IL1RAPL1: variants seen among roughly 807,000 people sequenced by gnomAD.
IL1RAPL1 encodes the protein interleukin 1 receptor accessory protein like 1, also known as interleukin-1 receptor accessory protein-like 1.
A neutral mutation model predicts 48.4 loss-of-function variants in IL1RAPL1; 3 were observed. The observed-to-expected ratio is 0.06, with a 90% CI of 0.03 to 0.16. IL1RAPL1 has a LOEUF of 0.16. Ranked by LOEUF, IL1RAPL1 falls within the 10% of genes least tolerant of loss-of-function variation. The pLI, the probability that IL1RAPL1 is intolerant of heterozygous loss-of-function variation, is 1.00. For missense variants in IL1RAPL1, 349 were observed against 530.6 expected (o/e 0.66, Z 3.36); for synonymous variants, 185 against 187.7 (o/e 0.99, Z 0.12).
At chrX:28,603,016 T>G (rs1305685605) in intron 1 of IL1RAPL1, among the ~76,000 whole-genome samples, 1 of 111,785 alleles carries the variant, frequency 8.9e-6, no homozygotes, top group East Asian at 2.8e-4. Flanking sequence ...GCAATTTGTA[T>G]ACACACAAAT....
chrX:29,746,240 T>C (rs944232870), intron 6 of IL1RAPL1, among the ~76,000 whole-genome samples: 5 of 112,148 alleles, frequency 4.5e-5, no homozygotes, highest in African/African-American at 9.7e-5. Flanking sequence ...TAAGAAATTA[T>C]GATAATAAAT....
intron 2 of IL1RAPL1, among the ~76,000 whole-genome samples, chrX:29,080,952 C>CT (rs1447334272): frequency 1.4e-3 from 49 of 35,389 alleles, no homozygotes; most frequent in Admixed American, 4.8e-3. Flanking sequence ...TTCTTTCTTT[C>CT]TTTCTTTCTT....
intron 6 of IL1RAPL1, among the ~76,000 whole-genome samples, chrX:29,840,184 C>T (rs1931108316): frequency 9.0e-6 from 1 of 111,349 alleles, no homozygotes; most frequent in Non-Finnish European, 1.9e-5. Context: ...CAGAAAAGCC[C>T]GTAAATTGAA....
chrX:29,033,262 A>T (rs1440879454), intron 2 of IL1RAPL1, among the ~76,000 whole-genome samples: 2 of 111,633 alleles, frequency 1.8e-5, no homozygotes, highest in African/African-American at 6.5e-5. Flanking sequence ...TACACAGATA[A>T]CCAAATACAA....
intron 8 of IL1RAPL1, among the ~76,000 whole-genome samples, chrX:29,925,410 C>CTTTTT (rs1569204989): frequency 3.8e-3 from 23 of 6,063 alleles, no homozygotes; most frequent in African/African-American, 4.7e-3. Context: ...TGTCCCGTAA[C>CTTTTT]TGTTTTTTTT....
At position 29,016,289 on chromosome X, in the gene IL1RAPL1, G is replaced by A. The variant is rs1226459370; in HGVS notation, c.82+226864G>A. ...GTCCTGAAGAACTTCTAGTGGCTTT[G>A]GCTAATATATAGCTTATAGTTACAA... On this transcript the variant is annotated intron_variant, in intron 2 of 10. Transcript: ENST00000378993. Among the ~76,000 whole-genome samples the A allele has an allele frequency of 8.1e-5, 9 of 111,400 alleles. No homozygotes were observed. In the East Asian group the frequency reaches 2.3e-3, roughly 28 times the overall value.
At chrX:28,888,467 G>C (rs768831540) in intron 2 of IL1RAPL1, among the ~76,000 whole-genome samples, 17 of 111,024 alleles carry the variant, frequency 1.5e-4, no homozygotes, top group South Asian at 7.5e-4. Flanking sequence ...GTCTGGTCTC[G>C]TTTTGATATA....
intron 5 of IL1RAPL1, among the ~76,000 whole-genome samples, chrX:29,454,068 A>C (rs1369536251): frequency 8.9e-6 from 1 of 112,218 alleles, no homozygotes; most frequent in Admixed American, 9.5e-5. Flanking sequence ...TCAATGGACT[A>C]TCCCAAATGC....
At position 29,951,929 on chromosome X, in the gene IL1RAPL1, G is replaced by A. The variant is rs1164961292; in HGVS notation, c.1202-2593G>A. On this transcript the variant is annotated intron_variant, in intron 9 of 10. Transcript: ENST00000378993. ...GTTATGGAAGTTGATGTTATGGAAG[G>A]AAAGGATATTTTTAAGGGAAAGTGG... Among the ~76,000 whole-genome samples the A allele has an allele frequency of 2.7e-5, 3 of 111,668 alleles. No homozygotes were observed. In the East Asian group the frequency reaches 8.5e-4, roughly 32 times the overall value.
chrX:29,103,395 G>A (rs1467165604), intron 2 of IL1RAPL1, among the ~76,000 whole-genome samples: 3 of 111,874 alleles, frequency 2.7e-5, no homozygotes, highest in Non-Finnish European at 3.8e-5. Flanking sequence ...TCAATAAGTG[G>A]TGGTGGGCAA....
rs1555978825 is a variant in IL1RAPL1 at position 29,230,523 on chromosome X, A to AAAAAAAAAC, written c.83-52407_83-52406insCAAAAAAAA. Among the ~76,000 whole-genome samples, 317 of 93,316 alleles carry AAAAAAAAAC rather than the reference A, an allele frequency of 3.4e-3. 11 individuals carry two copies. Among genetic ancestry groups the AAAAAAAAAC allele is most frequent in the African/African-American group, 0.013 (300 of 23,970 alleles). The allele number at this position is 93,316 out of a possible 115,157, so 81.0% of individuals were successfully genotyped here. On this transcript the variant is annotated intron_variant, in intron 2 of 10. Coordinates refer to ENST00000378993, the MANE Select transcript of IL1RAPL1 (RefSeq NM_014271.4). The stretch of plus-strand genomic sequence containing the variant: ...CTTTACCAAAAAAAAAAAAAAAAAA[A>AAAAAAAAAC]AAAAAAAAAAAACCTTGTTGTCTCT...
chrX:29,561,007 T>C (rs1439192101), intron 5 of IL1RAPL1, among the ~76,000 whole-genome samples: 1 of 112,095 alleles, frequency 8.9e-6, no homozygotes, highest in Non-Finnish European at 1.9e-5. Context: ...CTAACTGACT[T>C]CAGGATACAA....
At chrX:28,910,773 TA>T (rs1215950499) in intron 2 of IL1RAPL1, among the ~76,000 whole-genome samples, 79 of 102,332 alleles carry the variant, frequency 7.7e-4, no homozygotes, top group South Asian at 3.0e-3. Flanking sequence ...GTAGCTGCAT[TA>T]AAAAAAAAAA....
chrX:29,085,511 T>G (rs185304666), intron 2 of IL1RAPL1, among the ~76,000 whole-genome samples: 1 of 111,910 alleles, frequency 8.9e-6, no homozygotes, highest in Admixed American at 9.6e-5. Context: ...CATTTTACAG[T>G]TAGGGAAACT....
intron 6 of IL1RAPL1, among the ~76,000 whole-genome samples, chrX:29,839,096 C>T (rs543354493): frequency 1.8e-5 from 2 of 112,315 alleles, no homozygotes; most frequent in South Asian, 7.4e-4. Flanking sequence ...CAGAGACAGA[C>T]TGAAGGGTAC....
At chrX:29,505,233 T>TTCATA (rs1392146387) in intron 5 of IL1RAPL1, among the ~76,000 whole-genome samples, 1 of 112,218 alleles carries the variant, frequency 8.9e-6, no homozygotes, top group South Asian at 3.7e-4. Flanking sequence ...GTATTATTAT[T>TTCATA]ATGAAAGATT....
intron 6 of IL1RAPL1, among the ~76,000 whole-genome samples, chrX:29,720,968 A>G (rs1927623791): frequency 8.9e-6 from 1 of 112,142 alleles, no homozygotes; most frequent in Non-Finnish European, 1.9e-5. Flanking sequence ...TGAAATTCCA[A>G]ACCAAACCCA....
chrX:29,081,520 C>T (rs917932893), intron 2 of IL1RAPL1, among the ~76,000 whole-genome samples: 5 of 111,300 alleles, frequency 4.5e-5, no homozygotes, highest in Non-Finnish European at 9.4e-5. Context: ...CTTTTTTGAC[C>T]CGAATATCCT....
At chrX:28,884,280 A>G (rs1922577585) in intron 2 of IL1RAPL1, among the ~76,000 whole-genome samples, 1 of 112,131 alleles carries the variant, frequency 8.9e-6, no homozygotes, top group Non-Finnish European at 1.9e-5. Flanking sequence ...AACCATACAC[A>G]AAATACAGAA....
Sources: allele counts gnomAD v4.1 joint callset (sites outside exome capture counted in the v4.1 genomes callset), GRCh38; gene constraint gnomAD v4.1.1; transcripts MANE v1.5; gene names NCBI Gene and HGNC (gene_info 2026-07-23, HGNC 2026-07-21).